The following CDC25B variants were observed in gnomAD, a reference collection of about 807,000 sequenced individuals.
CDC25B encodes the protein M-phase inducer phosphatase 2.
CDC25B carries 33 observed loss-of-function variants against 69.8 expected under a neutral mutation model. That is an observed-to-expected ratio of 0.47 (90% CI 0.36 to 0.63). The LOEUF is 0.63. Among genes scored for constraint, CDC25B ranks in the 30% least tolerant of loss-of-function variants. The pLI, the probability that CDC25B is intolerant of heterozygous loss-of-function variation, is 0.00. For missense variants in CDC25B, 727 were observed against 809.1 expected, an observed-to-expected ratio of 0.90 and a Z score of 1.23; for synonymous variants, 341 against 314.6, an observed-to-expected ratio of 1.08 and a Z score of -0.89.
intron 1 of CDC25B, among the ~76,000 whole-genome samples, chr20:3,797,145 C>A (rs1285529306): frequency 2.0e-5 from 3 of 152,212 alleles, no homozygotes; most frequent in Non-Finnish European, 4.4e-5. Context: ...CTCCCTCCAC[C>A]CCAGTTCTGC....
chr20:3,803,637 C>G lies in CDC25B; in HGVS notation c.1490+100C>G, dbSNP rs569590243. On this transcript the variant is annotated intron_variant, in intron 14 of 15. Transcript: ENST00000245960. The surrounding 1 kb of genome is among the most constrained non-coding windows in gnomAD (Gnocchi z 4.9). ...ATTGAGATGGCCAGGGGTGCAAGTCCAGGTCCTCCTCTGTCCCATCTGATG... is the reference window on the plus strand; with the variant it reads ...ATTGAGATGGCCAGGGGTGCAAGTCGAGGTCCTCCTCTGTCCCATCTGATG... The G allele has an allele frequency of 1.7e-4, 251 of 1,478,946 alleles. 2 individuals carry two copies. The South Asian group carries it at 2.8e-3, about 16-fold the overall frequency. The allele number at this position is 1,478,946 out of a possible 1,614,324, so 91.6% of individuals were successfully genotyped here. A position where few individuals can be genotyped will look rare whatever the true frequency, so the allele number is the denominator to read the frequency against.
At chr20:3,797,224 G>A (rs989036566) in intron 1 of CDC25B, among the ~76,000 whole-genome samples, 1 of 152,208 alleles carries the variant, frequency 6.6e-6, no homozygotes, top group Non-Finnish European at 1.5e-5. Context: ...GAGCTGGGTT[G>A]TTCCAGTAGG....
At position 3,806,092 on chromosome 20, in the gene CDC25B, T is replaced by C; in HGVS notation, c.*1131T>C. On this transcript the variant is annotated 3_prime_UTR_variant, in exon 16 of 16. Coordinates refer to ENST00000245960, the MANE Select transcript of CDC25B (RefSeq NM_021873.4). ...GTCATCTGTTAGGGCCTTGGTTCAA[T>C]AAAGCACTGAGCAAGTTGAGAAACC... The C allele has an allele frequency of 2.5e-6, 1 of 396,606 alleles. No individual in the cohort carries two copies. 24.6% of individuals were successfully genotyped at this position (396,606 alleles called of 1,614,324 possible).
At chr20:3,799,751 A>C (rs2089208137) in intron 3 of CDC25B, among the ~76,000 whole-genome samples, 1 of 152,056 alleles carries the variant, frequency 6.6e-6, no homozygotes, top group African/African-American at 2.4e-5. Context: ...ACTGTATCAG[A>C]CTGGAGCTGA....
intron 3 of CDC25B, among the ~76,000 whole-genome samples, chr20:3,799,369 A>T (rs550682678): frequency 2.0e-4 from 31 of 152,282 alleles, no homozygotes; most frequent in African/African-American, 6.3e-4. Flanking sequence ...GTCATCCCTG[A>T]TGCCAGGTTG....
chr20:3,791,880 A>T (rs4815603), upstream of CDC25B, among the ~76,000 whole-genome samples: 105,614 of 152,166 alleles, frequency 0.69, 37,775 homozygotes, highest in African/African-American at 0.88. Context: ...CCAAGTAAGA[A>T]GAAGAAAGGT....
chr20:3,799,060 C>G (rs967348182), intron 3 of CDC25B, among the ~76,000 whole-genome samples: 1 of 152,176 alleles, frequency 6.6e-6, no homozygotes, highest in Non-Finnish European at 1.5e-5. Flanking sequence ...GTGGTGTCTT[C>G]CAGAGCACAG....
rs758361574 is a variant in CDC25B at position 3,800,789 on chromosome 20, C to T, written c.506C>T (p.Ser169Phe). 12 of 1,612,290 alleles carry T rather than the reference C, an allele frequency of 7.4e-6. No homozygotes were observed. The Admixed American group carries it at 1.7e-4, about 22-fold the overall frequency. The change falls in exon 6 of 16, where the codon TCC (serine) becomes TTC (phenylalanine). Residue 169 changes from serine (S) to phenylalanine (F), a missense_variant. Physicochemically the swap from Ser to Phe is radical, Grantham distance 155 (BLOSUM62 -2). This residue lies in a region of CDC25B where 368 missense variants were observed against 345.6 expected (regional missense o/e 1.06). Transcript: ENST00000245960. ...HSPVLRNITN[S>F]QAPDGRRKSE... ...CCCGTGCTTCGGAACATCACCAACT[C>T]CCAGGCGCCCGACGGCCGGAGGAAG...
chr20:3,787,121 C>T (rs1303050588), exon 1 of CDC25B: 16 of 661,088 alleles, frequency 2.4e-5, no homozygotes, highest in Non-Finnish European at 4.1e-5. Context: ...CTTTTCACGT[C>T]ACCTGGAGAG....
chr20:3,792,254 C>T (rs544640179), upstream of CDC25B, among the ~76,000 whole-genome samples: 3 of 151,408 alleles, frequency 2.0e-5, no homozygotes, highest in Admixed American at 2.0e-4. Flanking sequence ...CTTTAAAATA[C>T]AGACGGATTT....
upstream of CDC25B, chr20:3,795,693 T>G: frequency 1.0e-6 from 1 of 985,382 alleles, no homozygotes; most frequent in Non-Finnish European, 1.2e-6. Context: ...GGGGCCCCAC[T>G]GCCCTCCCAC....
At chr20:3,796,112 G>A (rs1207744517), upstream of CDC25B, 3 of 1,022,782 alleles carry the variant, frequency 2.9e-6, no homozygotes, top group Non-Finnish European at 3.5e-6. Flanking sequence ...GCGCCAGGGG[G>A]ATGTGCGAGG....
In CDC25B at chr20:3,796,430, C is replaced by CCG. The variant is rs1309986853; in HGVS notation, c.-102_-101insCG. On this transcript the variant is annotated 5_prime_UTR_variant, in exon 1 of 16. Transcript: ENST00000245960. Reference sequence around the variant, plus strand: ...CTCCCTCCCTCCTTCCCCCCCCCCCCACCCCTCGCCCGCTGCCTCCCTCGG... The same window carrying CCG: ...CTCCCTCCCTCCTTCCCCCCCCCCCCCGACCCCTCGCCCGCTGCCTCCCTCGG... 1 of 354,906 alleles carries CCG rather than the reference C, an allele frequency of 2.8e-6. No homozygotes were observed. The highest frequency in any genetic ancestry group is 7.3e-5 in the Admixed American group (1 of 13,618). The allele number at this position is 354,906 out of a possible 1,614,324, so 22.0% of individuals were successfully genotyped here.
chr20:3,801,000 G>A lies in CDC25B; in HGVS notation c.612G>A (p.Lys204=), dbSNP rs1223026210. 6.2e-7 allele frequency: 1 copy of A among 1,614,046 alleles called. No individual in the cohort carries two copies. ...GATTTGTCTTCAAGATGCCATGGAA[G>A]CCCACACATCCCAGCTCCACCCATG... The part of the protein sequence containing the change: ...NDGFVFKMPW[K]PTHPSSTHAL... The change falls in exon 7 of 16, where the codon AAG becomes AAA. Residue 204 remains lysine (K), a synonymous_variant. Coordinates refer to ENST00000245960, the MANE Select transcript of CDC25B (RefSeq NM_021873.4).
At position 3,797,672 on chromosome 20, in the gene CDC25B, G is replaced by T. The variant is rs866490685; in HGVS notation, c.251G>T (p.Arg84Leu). 4 of 1,613,940 alleles carry T rather than the reference G, an allele frequency of 2.5e-6. No homozygotes were observed. The African/African-American group carries it at 5.3e-5, about 22-fold the overall frequency. ...VGTLLFRSRS[R>L]LTHLSLSRRA... ...ACCCTGCTCTTCCGCAGCCGCAGCCGCCTGACGCACCTATCCCTGTCTCGA... is the reference window on the plus strand; with the variant it reads ...ACCCTGCTCTTCCGCAGCCGCAGCCTCCTGACGCACCTATCCCTGTCTCGA... The change falls in exon 2 of 16, where the codon CGC becomes CTC. Residue 84 changes from arginine (R) to leucine (L), a missense_variant. Around this residue, in one of 2 missense-constraint regions of CDC25B, gnomAD observed 368 missense variants for 345.6 expected, o/e 1.06. Transcript: ENST00000245960.
rs939749286 is a variant in CDC25B at position 3,790,443 on chromosome 20, A to G, written c.8+3304A>G. On this transcript the variant is annotated intron_variant, in intron 1 of 15. Transcript: ENST00000344256. Reference sequence around the variant, plus strand: ...GCCCAGGCTGGAGTGCAGTGGCTCAATCTCGGCTCACTTCAACTTCAACCT... The same window carrying G: ...GCCCAGGCTGGAGTGCAGTGGCTCAGTCTCGGCTCACTTCAACTTCAACCT... Among the ~76,000 whole-genome samples the G allele has an allele frequency of 2.1e-5, 3 of 141,112 alleles. No individual in the cohort carries two copies. The East Asian group carries it at 6.4e-4, about 30-fold the overall frequency. 92.6% of individuals were successfully genotyped at this position (141,112 alleles called of 152,430 possible).
chr20:3,790,538 C>T (rs1311749168), intron 1 of CDC25B, among the ~76,000 whole-genome samples: 1 of 150,382 alleles, frequency 6.6e-6, no homozygotes, highest in East Asian at 2.0e-4. Flanking sequence ...GTTAACATCT[C>T]GGGCTGGGCA....
At position 3,803,859 on chromosome 20, in the gene CDC25B, C is replaced by G. The variant is rs2089379685; in HGVS notation, c.1490+322C>G. Among the ~76,000 whole-genome samples the G allele has an allele frequency of 6.6e-6, 1 of 152,238 alleles. No individual in the cohort carries two copies. The highest frequency in any genetic ancestry group is 1.5e-5 in the Non-Finnish European group (1 of 68,044). ...TCAGTCCCCAGTACACGGACCCTCC[C>G]CATGTTCAGTGCTGTTAGGTCTCCA... On this transcript the variant is annotated intron_variant, in intron 14 of 15. Transcript: ENST00000245960. This position sits in a 1 kb window ranked among gnomAD's most constrained non-coding sequence, Gnocchi z 4.9.
At chr20:3,800,208 C>T (rs11570000) in intron 3 of CDC25B, 80 bp from the exon 4 acceptor site, 13 of 577,860 alleles carry the variant, frequency 2.2e-5, no homozygotes, top group South Asian at 5.0e-5. Flanking sequence ...CTTACTCCCC[C>T]CTGGACTGGG....
Sources: gnomAD v4.1 joint callset for allele counts (sites outside exome capture counted in the v4.1 genomes callset) on GRCh38, gnomAD v4.1.1 for gene constraint, gnomAD v4.1.1 regional missense constraint, Gnocchi (gnomAD v3.1) non-coding constraint, MANE v1.5 for transcripts, NCBI Gene and HGNC (gene_info 2026-07-23, HGNC 2026-07-21) for gene names.